GRIP1: variants seen among roughly 807,000 people sequenced by gnomAD.
GRIP1 encodes the protein glutamate receptor-interacting protein 1.
Under a neutral mutation model 129.9 loss-of-function variants are expected in GRIP1, and 45 were observed. The observed-to-expected ratio is 0.35, with a 90% CI of 0.27 to 0.44. The LOEUF is 0.44. Among genes scored for constraint, GRIP1 ranks in the 20% least tolerant of loss-of-function variants. The pLI is 1.00. For missense variants in GRIP1, 1,196 were observed against 1,396.8 expected, an observed-to-expected ratio of 0.86 and a Z score of 2.29; for synonymous variants, 530 against 520.8, an observed-to-expected ratio of 1.02 and a Z score of -0.24.
chr12:67,064,465 G>A (rs938941038), intron 1 of GRIP1, among the ~76,000 whole-genome samples: 5 of 152,152 alleles, frequency 3.3e-5, no homozygotes, highest in Admixed American at 1.3e-4. Flanking sequence ...ACAGGGTGAC[G>A]AATAATAACA....
At chr12:66,528,777 C>G (rs1195266480) in intron 5 of GRIP1, among the ~76,000 whole-genome samples, 1 of 151,970 alleles carries the variant, frequency 6.6e-6, no homozygotes, top group Non-Finnish European at 1.5e-5. Flanking sequence ...ATTAATGAAC[C>G]AAAAATAGAG....
chr12:66,514,264 T>C (rs2060781799), intron 7 of GRIP1, among the ~76,000 whole-genome samples: 1 of 152,180 alleles, frequency 6.6e-6, no homozygotes, highest in African/African-American at 2.4e-5. Flanking sequence ...ACTGAATACA[T>C]GAGTTAGATG....
At chr12:66,775,645 G>C (rs1048129126) in intron 1 of GRIP1, among the ~76,000 whole-genome samples, 1 of 151,954 alleles carries the variant, frequency 6.6e-6, no homozygotes, top group Admixed American at 6.6e-5. Flanking sequence ...ACTGGACAGA[G>C]ACCTTTCATT....
intron 16 of GRIP1, among the ~76,000 whole-genome samples, chr12:66,402,543 T>G (rs1297929300): frequency 6.6e-6 from 1 of 152,214 alleles, no homozygotes; most frequent in Non-Finnish European, 1.5e-5. Flanking sequence ...CCAATTGCAG[T>G]ACAAGCTAGC....
intron 5 of GRIP1, among the ~76,000 whole-genome samples, chr12:66,528,144 T>TG (rs2061324517): frequency 2.6e-4 from 33 of 124,750 alleles, no homozygotes; most frequent in African/African-American, 9.8e-4. Context: ...GTTTTTTTTT[T>TG]TTTTTTTTGA....
upstream of GRIP1, among the ~76,000 whole-genome samples, chr12:66,683,861 C>A (rs1487866590): frequency 6.6e-6 from 1 of 152,186 alleles, no homozygotes; most frequent in Non-Finnish European, 1.5e-5. Flanking sequence ...GAGGAAAAAT[C>A]TACCAGAAAT....
intron 4 of GRIP1, among the ~76,000 whole-genome samples, chr12:66,533,189 T>A (rs556044772): frequency 6.6e-6 from 1 of 151,908 alleles, no homozygotes; most frequent in Non-Finnish European, 1.5e-5. Flanking sequence ...TAGACCAAAT[T>A]TTTATTTTTA....
At chr12:66,895,577 C>T (rs1273738978) in intron 1 of GRIP1, among the ~76,000 whole-genome samples, 1 of 152,124 alleles carries the variant, frequency 6.6e-6, no homozygotes, top group Non-Finnish European at 1.5e-5. Context: ...CTTGTTTCTA[C>T]CTGAGCCCTG....
At chr12:66,539,759 T>C (rs2061719261) in intron 3 of GRIP1, among the ~76,000 whole-genome samples, 1 of 152,108 alleles carries the variant, frequency 6.6e-6, no homozygotes, top group African/African-American at 2.4e-5. Context: ...TATTTATTGC[T>C]TACAGCAGGA....
chr12:66,756,671 C>A (rs566636435), intron 1 of GRIP1, among the ~76,000 whole-genome samples: 7 of 152,236 alleles, frequency 4.6e-5, no homozygotes, highest in African/African-American at 1.4e-4. Context: ...GCATTAAGCT[C>A]TTTGAGCCAG....
At chr12:66,519,659 C>T (rs1351912554) in intron 5 of GRIP1, among the ~76,000 whole-genome samples, 2 of 152,206 alleles carry the variant, frequency 1.3e-5, no homozygotes, top group East Asian at 1.9e-4. Context: ...AAGTTTGCAG[C>T]AGCAAGGCCA....
intron 1 of GRIP1, among the ~76,000 whole-genome samples, chr12:66,926,781 T>C (rs1313076305): frequency 1.3e-5 from 2 of 152,218 alleles, no homozygotes; most frequent in East Asian, 3.9e-4. Context: ...CAAGGCACAT[T>C]TCACTAGGCC....
At chr12:67,013,533 C>G (rs1328606070) in intron 1 of GRIP1, among the ~76,000 whole-genome samples, 1 of 152,142 alleles carries the variant, frequency 6.6e-6, no homozygotes, top group African/African-American at 2.4e-5. Flanking sequence ...CAGAAAACCT[C>G]TGAATATCCC....
At chr12:66,540,957 C>T (rs1452096793) in intron 3 of GRIP1, among the ~76,000 whole-genome samples, 3 of 151,850 alleles carry the variant, frequency 2.0e-5, no homozygotes, top group Non-Finnish European at 4.4e-5. Flanking sequence ...TGCCATCACA[C>T]CTGGCTTTTT....
chr12:66,747,742 A>AT (rs528003278), intron 1 of GRIP1, among the ~76,000 whole-genome samples: 2 of 151,970 alleles, frequency 1.3e-5, no homozygotes, highest in Non-Finnish European at 2.9e-5. Flanking sequence ...TAATACCAAC[A>AT]TTTTTTTCCC....
chr12:66,755,077 A>G (rs1434693070), intron 1 of GRIP1, among the ~76,000 whole-genome samples: 1 of 152,210 alleles, frequency 6.6e-6, no homozygotes, highest in East Asian at 1.9e-4. Context: ...GTAAAACAAA[A>G]GAAAGTGGGC....
chr12:67,060,573 CA>C (rs1473104392), intron 1 of GRIP1, among the ~76,000 whole-genome samples: 1 of 151,544 alleles, frequency 6.6e-6, no homozygotes, highest in African/African-American at 2.4e-5. Context: ...GTAATCCCAG[CA>C]CTTTGGGAAG....
chr12:66,404,002 G>A (rs1051786140), intron 16 of GRIP1, among the ~76,000 whole-genome samples: 1 of 152,176 alleles, frequency 6.6e-6, no homozygotes, highest in South Asian at 2.1e-4. Flanking sequence ...ATGCAAAACA[G>A]GTTTCTCCAC....
At chr12:66,781,055 G>T (rs2038142519) in intron 1 of GRIP1, among the ~76,000 whole-genome samples, 1 of 152,138 alleles carries the variant, frequency 6.6e-6, no homozygotes, top group Non-Finnish European at 1.5e-5. Flanking sequence ...TCACCACTGA[G>T]TTCTAGGGGA....
Sources: gnomAD v4.1 joint callset for allele counts (sites outside exome capture counted in the v4.1 genomes callset) on GRCh38, gnomAD v4.1.1 for gene constraint, MANE v1.5 for transcripts, NCBI Gene and HGNC (gene_info 2026-07-23, HGNC 2026-07-21) for gene names.